Variants in CLDN20 observed in about 807,000 individuals in gnomAD.
CLDN20 encodes claudin-20.
For missense variants in CLDN20, 258 were observed against 267.9 expected, an observed-to-expected ratio of 0.96 and a Z score of 0.26; for synonymous variants, 104 against 103.6, an observed-to-expected ratio of 1.00 and a Z score of -0.03.
chr6:155,268,581 C>T (rs190286769), intron 1 of CLDN20, among the ~76,000 whole-genome samples: 1 of 152,278 alleles, frequency 6.6e-6, no homozygotes, highest in East Asian at 1.9e-4. Flanking sequence ...CTAAGCAACA[C>T]CACACACTAA....
At chr6:155,271,352 T>C (rs1038151998) in intron 1 of CLDN20, among the ~76,000 whole-genome samples, 1 of 152,210 alleles carries the variant, frequency 6.6e-6, no homozygotes, top group African/African-American at 2.4e-5. Flanking sequence ...CACAGTCTTA[T>C]CTGATGTGTC....
In CLDN20 at chr6:155,276,319, G is replaced by C; in HGVS notation, c.600G>C (p.Gln200His). 6.2e-7 allele frequency: 1 copy of C among 1,613,704 alleles called. No homozygotes were observed. The highest frequency in any genetic ancestry group is 8.5e-7 in the Non-Finnish European group (1 of 1,180,008). The change falls in exon 2 of 2, where the codon CAG becomes CAC. Residue 200 changes from glutamine to histidine, a missense_variant. Transcript: ENST00000367165. ...CTAGACTCGACCCACCCACACAGCAGCCTATCTCTAACACACAGCTCGAGA... is the reference window on the plus strand; with the variant it reads ...CTAGACTCGACCCACCCACACAGCACCCTATCTCTAACACACAGCTCGAGA... The part of the protein sequence containing the change: ...PEARLDPPTQ[Q>H]PISNTQLENN...
intron 1 of CLDN20, among the ~76,000 whole-genome samples, chr6:155,275,374 TA>T (rs1260782193): frequency 6.6e-6 from 1 of 152,224 alleles, no homozygotes; most frequent in East Asian, 1.9e-4. Flanking sequence ...TGTTGAGTTT[TA>T]AAAAGAATTA....
Position 155,275,768 on chromosome 6 carries a change from G to A in CLDN20, c.49G>A (p.Gly17Arg), listed in dbSNP as rs1583330188. ...CCTTGCTTTCATCCTGGCCTTATCTGGGGTCTCTGGAGTGCTCACAGCCAC... is the reference window on the plus strand; with the variant it reads ...CCTTGCTTTCATCCTGGCCTTATCTAGGGTCTCTGGAGTGCTCACAGCCAC... ...QLLAFILALS[G>R]VSGVLTATLL... Residue 17 changes from glycine to arginine, a missense_variant, in exon 2 of 2, where the codon GGG (glycine) becomes AGG (arginine). Transcript: ENST00000367165. 2 of 1,613,848 alleles carry A rather than the reference G, an allele frequency of 1.2e-6. No individual in the cohort carries two copies. Among genetic ancestry groups the A allele is most frequent in the Non-Finnish European group, 1.7e-6 (2 of 1,179,852 alleles).
intron 1 of CLDN20, among the ~76,000 whole-genome samples, chr6:155,266,622 G>A (rs1023833792): frequency 1.3e-5 from 2 of 151,966 alleles, no homozygotes; most frequent in African/African-American, 2.4e-5. Context: ...CAAAGCGGGC[G>A]AATCATGAGG....
rs1404944202 is a variant in CLDN20 at position 155,275,948 on chromosome 6, G to A, written c.229G>A (p.Val77Met). 1.2e-6 allele frequency: 2 copies of A among 1,614,134 alleles called. No individual in the cohort carries two copies. Among genetic ancestry groups the A allele is most frequent in the East Asian group, 2.2e-5 (1 of 44,870 alleles). ...CTCCATTCTGTCCCTCCCCATCCAC[G>A]TGCAGGCTGCGAGAGCCACCATGGT... is the stretch of plus-strand genomic sequence containing the variant. Reference protein sequence around the residue: ...KHSILSLPIHVQAARATMVLA... With the variant: ...KHSILSLPIHMQAARATMVLA... The change falls in exon 2 of 2, where the codon GTG becomes ATG. Residue 77 changes from valine (V) to methionine (M), a missense_variant. Coordinates refer to ENST00000367165, the MANE Select transcript of CLDN20 (RefSeq NM_001001346.3).
At position 155,275,898 on chromosome 6, in the gene CLDN20, G is replaced by A. The variant is rs1785176168; in HGVS notation, c.179G>A (p.Gly60Glu). The change falls in exon 2 of 2, where the codon GGG (glycine) becomes GAG (glutamate). Residue 60 changes from glycine to glutamate, a missense_variant. Coordinates refer to ENST00000367165, the MANE Select transcript of CLDN20 (RefSeq NM_001001346.3). ...ATGGACTGTACGTGGTACAGCACTG[G>A]GATGTTCAGCTGTGCCCTGAAACAC... Reference protein sequence around the residue: ...LWMDCTWYSTGMFSCALKHSI... With the variant: ...LWMDCTWYSTEMFSCALKHSI... 1 of 1,614,092 alleles carries A rather than the reference G, an allele frequency of 6.2e-7. No individual in the cohort carries two copies. Among genetic ancestry groups the A allele is most frequent in the Non-Finnish European group, 8.5e-7 (1 of 1,180,010 alleles).
chr6:155,273,639 C>T (rs1023396015), intron 1 of CLDN20, among the ~76,000 whole-genome samples: 2 of 152,054 alleles, frequency 1.3e-5, no homozygotes, highest in Non-Finnish European at 2.9e-5. Context: ...CCCTGGTTCC[C>T]AAGGGAAACA....
intron 1 of CLDN20, among the ~76,000 whole-genome samples, chr6:155,269,319 CTTTTCTTT>C (rs1784815334): frequency 1.0e-5 from 1 of 98,030 alleles, no homozygotes; most frequent in Admixed American, 1.2e-4. Flanking sequence ...CTTTTCTTTT[CTTTTCTTT>C]TTTTTTTTTT....
intron 1 of CLDN20, among the ~76,000 whole-genome samples, chr6:155,265,716 T>TATATATAATATAAATATATATTATATATA (rs1158886417): frequency 4.3e-4 from 62 of 145,804 alleles, no homozygotes; most frequent in East Asian, 3.9e-3. Flanking sequence ...TAAATATATT[T>TATATATAATATAAATATATATTATATATA]ATATATAATA....
At chr6:155,265,422 G>A (rs1784584688) in intron 1 of CLDN20, among the ~76,000 whole-genome samples, 2 of 152,100 alleles carry the variant, frequency 1.3e-5, no homozygotes, top group African/African-American at 2.4e-5. Flanking sequence ...ATTATCAAAC[G>A]GACTAGACAT....
At chr6:155,272,612 C>A (rs980750379) in intron 1 of CLDN20, among the ~76,000 whole-genome samples, 1 of 151,938 alleles carries the variant, frequency 6.6e-6, no homozygotes, top group African/African-American at 2.4e-5. Context: ...GTATTATACT[C>A]GTGGCTGGAG....
intron 1 of CLDN20, among the ~76,000 whole-genome samples, chr6:155,267,352 G>C (rs1334326693): frequency 1.3e-5 from 2 of 152,196 alleles, no homozygotes; most frequent in African/African-American, 4.8e-5. Context: ...CTAAAATATA[G>C]AGACAAATCT....
chr6:155,266,198 T>A lies in CLDN20; in HGVS notation c.-105+1910T>A, dbSNP rs188226598. Among the ~76,000 whole-genome samples the A allele has an allele frequency of 3.4e-4, 51 of 152,192 alleles. 2 individuals are homozygous for A. The highest frequency in any genetic ancestry group is 8.2e-4 in the African/African-American group (34 of 41,474). ...GTGTTAACCATCACAACATTTTTTT[T>A]AAAATTCAGAACCCCAACTTTTCAT... On this transcript the variant is annotated intron_variant, in intron 1 of 1. Transcript: ENST00000367165.
chr6:155,272,945 T>C (rs1785001748), intron 1 of CLDN20, among the ~76,000 whole-genome samples: 1 of 152,122 alleles, frequency 6.6e-6, no homozygotes, highest in African/African-American at 2.4e-5. Context: ...TGAACATAGA[T>C]TGACAACAAA....
chr6:155,274,590 T>C (rs988165826), intron 1 of CLDN20, among the ~76,000 whole-genome samples: 30 of 152,244 alleles, frequency 2.0e-4, no homozygotes, highest in African/African-American at 7.2e-4. Context: ...AGAAAGGACC[T>C]CATGTTCTTA....
intron 1 of CLDN20, among the ~76,000 whole-genome samples, chr6:155,267,730 C>T (rs112274989): frequency 0.012 from 1,864 of 152,220 alleles, 35 homozygotes; most frequent in Non-Finnish European, 0.015. Flanking sequence ...TCCTCCTGGC[C>T]CCTTGACTCT....
At chr6:155,273,270 CA>C (rs1299895985) in intron 1 of CLDN20, among the ~76,000 whole-genome samples, 1 of 152,162 alleles carries the variant, frequency 6.6e-6, no homozygotes, top group African/African-American at 2.4e-5. Context: ...CTGATGTCTA[CA>C]GATAAGTCTG....
intron 1 of CLDN20, among the ~76,000 whole-genome samples, chr6:155,269,581 C>A (rs1784832465): frequency 6.6e-6 from 1 of 152,126 alleles, no homozygotes; most frequent in Admixed American, 6.5e-5. Flanking sequence ...CTCAGCCTCC[C>A]AAAGTGTTGG....
Sources: gnomAD v4.1 joint callset for allele counts (sites outside exome capture counted in the v4.1 genomes callset) on GRCh38, gnomAD v4.1.1 for gene constraint, MANE v1.5 for transcripts, NCBI Gene and HGNC (gene_info 2026-07-23, HGNC 2026-07-21) for gene names.